TOP2B: variants seen among roughly 807,000 people sequenced by gnomAD.
TOP2B encodes DNA topoisomerase 2-beta.
In TOP2B, 51 loss-of-function variants were observed where a neutral mutation model predicts 193.5. The observed-to-expected ratio is 0.26, with a 90% CI of 0.21 to 0.33. TOP2B has a LOEUF of 0.33. Ranked by LOEUF, TOP2B falls within the 10% of genes least tolerant of loss-of-function variation. TOP2B has a pLI of 1.00. For missense variants in TOP2B, 1,378 were observed against 1,909.3 expected (o/e 0.72, Z 5.19); for synonymous variants, 634 against 635.7 (o/e 1.00, Z 0.04).
intron 32 of TOP2B, among the ~76,000 whole-genome samples, chr3:25,605,279 A>C (rs1278988695): frequency 3.3e-5 from 5 of 152,158 alleles, no homozygotes; most frequent in Admixed American, 6.5e-5. Flanking sequence ...CTAAAAGAAT[A>C]GTAAGTATTC....
At chr3:25,598,827 T>A (rs1241674217) in intron 35 of TOP2B, among the ~76,000 whole-genome samples, 1 of 152,134 alleles carries the variant, frequency 6.6e-6, no homozygotes, top group Non-Finnish European at 1.5e-5. Flanking sequence ...CAAGAATTCA[T>A]GGGAGGAAAC....
Position 25,612,705 on chromosome 3 carries a change from A to G in TOP2B, c.3596T>C (p.Val1199Ala). The G allele has an allele frequency of 6.2e-7, 1 of 1,612,946 alleles. No homozygotes were observed. Among genetic ancestry groups the G allele is most frequent in the Non-Finnish European group, 8.5e-7 (1 of 1,179,312 alleles). ...LAAFVEELDK[V>A]ESQEREDVLA... is the part of the protein sequence containing the mutation. Reference sequence around the variant, plus strand: ...AACATCTTCTCGTTCTTGAGATTCCACTTTCTAAAGTATAATCATAAGGCA... The same window carrying G: ...AACATCTTCTCGTTCTTGAGATTCCGCTTTCTAAAGTATAATCATAAGGCA... Residue 1199 changes from valine to alanine, a missense_variant, in exon 28 of 36, where the codon GTG (valine) becomes GCG (alanine). Around this residue, in one of 9 missense-constraint regions of TOP2B, gnomAD observed 556 missense variants for 584.2 expected, o/e 0.95. Coordinates refer to ENST00000264331, the MANE Select transcript of TOP2B (RefSeq NM_001330700.2).
At chr3:25,625,550 G>A (rs1702772904) in intron 18 of TOP2B, among the ~76,000 whole-genome samples, 2 of 118,872 alleles carry the variant, frequency 1.7e-5, no homozygotes, top group African/African-American at 7.0e-5. Context: ...GTTTGTTTTT[G>A]CGATTATTTT....
Position 25,623,563 on chromosome 3 carries a change from A to G in TOP2B, c.2679T>C (p.Ile893=). The change falls in exon 21 of 36, where the codon ATT becomes ATC. Residue 893 remains isoleucine (I), a synonymous_variant. Transcript: ENST00000264331. Reference sequence around the variant, plus strand: ...CTAGCATTCGTCTGACATTGTTCACAATTTCCCTAGCATCATAGTTGGGTA... The same window carrying G: ...CTAGCATTCGTCTGACATTGTTCACGATTTCCCTAGCATCATAGTTGGGTA... ...CKLPNYDARE[I]VNNVRRMLDG... 6.2e-7 allele frequency: 1 copy of G among 1,613,936 alleles called. No homozygotes were observed. Among genetic ancestry groups the G allele is most frequent in the East Asian group, 2.2e-5 (1 of 44,860 alleles).
chr3:25,649,376 A>G (rs544398743), intron 1 of TOP2B, among the ~76,000 whole-genome samples: 84 of 152,302 alleles, frequency 5.5e-4, no homozygotes, highest in African/African-American at 1.9e-3. Context: ...ACATAAATGC[A>G]TATACAAATT....
chr3:25,599,268 T>C (rs1405995361), intron 35 of TOP2B, among the ~76,000 whole-genome samples, 167 bp downstream of exon 35: 4 of 152,172 alleles, frequency 2.6e-5, no homozygotes, highest in African/African-American at 4.8e-5. Flanking sequence ...TAGTCCTGAT[T>C]ATATAAATTT....
At chr3:25,624,530 A>G (rs1304318860) in intron 19 of TOP2B, 85 bp from the exon 20 acceptor site, 19 of 1,548,376 alleles carry the variant, frequency 1.2e-5, no homozygotes, top group Non-Finnish European at 1.7e-5. Context: ...AATCCAAGTG[A>G]AGAATAAAGG....
Position 25,601,228 on chromosome 3 carries a change from A to G in TOP2B, c.4490-3T>C. 1.2e-6 allele frequency: 2 copies of G among 1,611,270 alleles called. No homozygotes were observed. Among genetic ancestry groups the G allele is most frequent in the Middle Eastern group, 1.7e-4 (1 of 6,054 alleles). ...GACTGTATCTGAAGACGGTTTTCCT[A>G]GTAAGCAAATTTCCATTTCACAGGT... On this transcript the variant is annotated splice_polypyrimidine_tract_variant and splice_region_variant and intron_variant, in intron 33 of 35. Coordinates refer to ENST00000264331, the MANE Select transcript of TOP2B (RefSeq NM_001330700.2).
At chr3:25,623,827 A>G in intron 20 of TOP2B, 81 bp from the exon 21 acceptor site, 1 of 819,734 alleles carries the variant, frequency 1.2e-6, no homozygotes, top group South Asian at 1.8e-5. Flanking sequence ...AAAACTTCAC[A>G]CTGCAAAAAC....
chr3:25,645,150 T>A, intron 2 of TOP2B, 150 bp downstream of exon 2: 1 of 744,894 alleles, frequency 1.3e-6, no homozygotes, highest in East Asian at 2.9e-5. Flanking sequence ...AGTAAATACA[T>A]TTCTACTTCT....
chr3:25,636,618 T>C (rs1473541863), intron 6 of TOP2B, among the ~76,000 whole-genome samples: 1 of 151,998 alleles, frequency 6.6e-6, no homozygotes, highest in Non-Finnish European at 1.5e-5. Context: ...GTGATAATAA[T>C]CTCATGTTAA....
At chr3:25,652,175 G>A (rs1015822061) in intron 1 of TOP2B, among the ~76,000 whole-genome samples, 2 of 152,164 alleles carry the variant, frequency 1.3e-5, no homozygotes, top group Admixed American at 6.5e-5. Flanking sequence ...CCAAATTTAT[G>A]AGCAAACACT....
At position 25,598,145 on chromosome 3, in the gene TOP2B, T is replaced by TGTATGTGTAAGAACAAAATGTTA. The variant is rs1701966690; in HGVS notation, c.*139_*161dup. ...CAATGAGTAAAAAAGAGCATAAAAC[T>TGTATGTGTAAGAACAAAATGTTA]GTATGTGTAAGAACAAAATGTTAAA... On this transcript the variant is annotated 3_prime_UTR_variant, in exon 36 of 36. Transcript: ENST00000264331. 1.5e-5 allele frequency: 10 copies of TGTATGTGTAAGAACAAAATGTTA among 661,892 alleles called. 1 individual carries two copies. The Admixed American group carries it at 1.7e-4, about 11-fold the overall frequency. The allele number at this position is 661,892 out of a possible 1,614,324, so 41.0% of individuals were successfully genotyped here. A position where few individuals can be genotyped will look rare whatever the true frequency, so the allele number is the denominator to read the frequency against.
Position 25,607,240 on chromosome 3 carries a change from A to T in TOP2B, c.4229T>A (p.Phe1410Tyr). The change falls in exon 31 of 36, where the codon TTT (phenylalanine) becomes TAT (tyrosine). Residue 1410 changes from phenylalanine to tyrosine, a missense_variant. By Grantham distance (22) the Phe-to-Tyr change is conservative. Coordinates refer to ENST00000264331, the MANE Select transcript of TOP2B (RefSeq NM_001330700.2). Reference sequence around the variant, plus strand: ...TTTATCTAACCCATCTGAAGGAACAAATTCATCTTCCCCATCATTTGTTAT... The same window carrying T: ...TTTATCTAACCCATCTGAAGGAACATATTCATCTTCCCCATCATTTGTTAT... Reference protein sequence around the residue: ...SPITNDGEDEFVPSDGLDKDE... With the variant: ...SPITNDGEDEYVPSDGLDKDE... The T allele has an allele frequency of 6.2e-7, 1 of 1,606,476 alleles. No individual in the cohort carries two copies. The highest frequency in any genetic ancestry group is 8.5e-7 in the Non-Finnish European group (1 of 1,175,568).
intron 22 of TOP2B, among the ~76,000 whole-genome samples, chr3:25,620,339 G>C (rs1217594746): frequency 6.6e-6 from 1 of 151,622 alleles, no homozygotes; most frequent in Admixed American, 6.6e-5. Context: ...ACTGTCAAGA[G>C]GTGACATGCA....
chr3:25,656,047 C>T (rs1703736330), intron 1 of TOP2B, among the ~76,000 whole-genome samples: 1 of 152,042 alleles, frequency 6.6e-6, no homozygotes, highest in African/African-American at 2.4e-5. Flanking sequence ...AAAAATTGAA[C>T]ATGTGAAATG....
At chr3:25,623,434 C>A in intron 21 of TOP2B, 81 bp downstream of exon 21, 1 of 1,270,196 alleles carries the variant, frequency 7.9e-7, no homozygotes, top group South Asian at 1.3e-5. Context: ...TAAAAATGTT[C>A]CATTACTTTT....
chr3:25,609,860 GACCATGTTTT>G (rs1203508039), intron 28 of TOP2B, 148 bp from the exon 29 acceptor site: 1 of 678,420 alleles, frequency 1.5e-6, no homozygotes, highest in Non-Finnish European at 2.2e-6. Flanking sequence ...ACTTTGATCA[GACCATGTTTT>G]ACTTCACTTA....
At position 25,632,779 on chromosome 3, in the gene TOP2B, C is replaced by A; in HGVS notation, c.1042G>T (p.Asp348Tyr). 5 of 1,612,960 alleles carry A rather than the reference C, an allele frequency of 3.1e-6. No individual in the cohort carries two copies. The highest frequency in any genetic ancestry group is 4.2e-6 in the Non-Finnish European group (5 of 1,179,304). Residue 348 changes from aspartate (D) to tyrosine (Y), a missense_variant, in exon 9 of 36, where the codon GAT (aspartate) becomes TAT (tyrosine). By Grantham distance (160) the Asp-to-Tyr change is radical (BLOSUM62 -3). Around this residue, in one of 9 missense-constraint regions of TOP2B, gnomAD observed 222 missense variants for 306.6 expected, o/e 0.72. Coordinates refer to ENST00000264331, the MANE Select transcript of TOP2B (RefSeq NM_001330700.2). ...IATTKGGRHV[D>Y]YVVDQVVGKL... is the part of the protein sequence containing the mutation. ...CCAACAACTTGATCTACCACATAAT[C>A]CACGTGCCGTCCACCCTAAAGAAAA...
Sources: allele counts gnomAD v4.1 joint callset (sites outside exome capture counted in the v4.1 genomes callset), GRCh38; gene constraint gnomAD v4.1.1; regional missense constraint gnomAD v4.1.1; transcripts MANE v1.5; gene names NCBI Gene and HGNC (gene_info 2026-07-23, HGNC 2026-07-21).